The following GRIK3 variants were observed in gnomAD, a reference collection of about 807,000 sequenced individuals.
GRIK3 encodes the protein glutamate receptor ionotropic, kainate 3.
In GRIK3, 29 loss-of-function variants were observed where a neutral mutation model predicts 102.5. The observed-to-expected ratio is 0.28, with a 90% CI of 0.21 to 0.39. GRIK3 has a LOEUF of 0.39. GRIK3 is among the 10% of genes least tolerant of loss of function. The probability of loss-of-function intolerance (pLI) is 1.00; values close to 1 mark genes in which losing one functional copy is unlikely to be tolerated. For missense variants in GRIK3, 908 were observed against 1,252.4 expected (o/e 0.73, Z 4.15); for synonymous variants, 511 against 504.9 (o/e 1.01, Z -0.16).
Position 37,034,451 on chromosome 1 carries a change from G to C in GRIK3, c.-343C>G, listed in dbSNP as rs1248283887. ...CCCCGGCTGCCGGGCTCTGGCGGGC[G>C]GGCTGCACGCGTCTCCGGCCGCTCC... On this transcript the variant is annotated 5_prime_UTR_variant, in exon 1 of 16. Transcript: ENST00000373091. 6.6e-6 allele frequency among the ~76,000 whole-genome samples: 1 copy of C among 151,116 alleles called. No homozygotes were observed. The highest frequency in any genetic ancestry group is 2.1e-4 in the South Asian group (1 of 4,812).
At chr1:36,958,012 C>T (rs1042817997) in intron 1 of GRIK3, among the ~76,000 whole-genome samples, 7 of 48,276 alleles carry the variant, frequency 1.5e-4, no homozygotes, top group Admixed American at 6.4e-4. Context: ...TCTGTGTGCC[C>T]GGTGAGTCTG....
chr1:36,911,244 G>A lies in GRIK3; in HGVS notation c.116-20148C>T, dbSNP rs950790622. 3.3e-5 allele frequency among the ~76,000 whole-genome samples: 5 copies of A among 152,258 alleles called. No homozygotes were observed. In the South Asian group the frequency reaches 6.2e-4, roughly 19 times the overall value. The stretch of plus-strand genomic sequence containing the variant: ...AGGGTGCATCCAACATGACCCCAGT[G>A]TTTGAATGAGGATGAGGTTCAGCTA... On this transcript the variant is annotated intron_variant, in intron 1 of 15. Coordinates refer to ENST00000373091, the MANE Select transcript of GRIK3 (RefSeq NM_000831.4).
At chr1:37,030,878 T>C (rs1642819818) in intron 1 of GRIK3, among the ~76,000 whole-genome samples, 1 of 152,118 alleles carries the variant, frequency 6.6e-6, no homozygotes, top group African/African-American at 2.4e-5. Context: ...ATGGAGAAAC[T>C]GAGGCCTGGG....
intron 1 of GRIK3, among the ~76,000 whole-genome samples, chr1:37,023,406 C>T (rs570666723): frequency 6.6e-6 from 1 of 151,932 alleles, no homozygotes; most frequent in African/African-American, 2.4e-5. Context: ...GGGGAAAGCA[C>T]AGTGCCTTCT....
chr1:36,895,058 G>C (rs1015879939), intron 1 of GRIK3, among the ~76,000 whole-genome samples: 20 of 152,202 alleles, frequency 1.3e-4, no homozygotes, highest in African/African-American at 4.6e-4. Context: ...GGGAGGTGGG[G>C]GAGAAGCACC....
intron 1 of GRIK3, among the ~76,000 whole-genome samples, chr1:36,983,400 T>C (rs1191895067): frequency 6.6e-6 from 1 of 152,232 alleles, no homozygotes; most frequent in Non-Finnish European, 1.5e-5. Context: ...CCCACATGCA[T>C]GCATACCCCT....
intron 1 of GRIK3, among the ~76,000 whole-genome samples, chr1:36,968,015 C>T (rs1354948672): frequency 3.3e-5 from 5 of 152,150 alleles, no homozygotes; most frequent in African/African-American, 1.2e-4. Flanking sequence ...GCCACTAGGC[C>T]CTCTGTCGTA....
intron 1 of GRIK3, among the ~76,000 whole-genome samples, chr1:36,900,182 G>C (rs1641219941): frequency 6.6e-6 from 1 of 152,134 alleles, no homozygotes; most frequent in African/African-American, 2.4e-5. Context: ...TAAAAGACTA[G>C]AAATCATATA....
intron 10 of GRIK3, among the ~76,000 whole-genome samples, chr1:36,833,766 G>C (rs150374564): frequency 8.7e-4 from 133 of 152,348 alleles, no homozygotes; most frequent in African/African-American, 3.1e-3. Context: ...AGAGTTCATA[G>C]TGCCATGGCC....
intron 1 of GRIK3, among the ~76,000 whole-genome samples, chr1:36,938,996 G>C (rs1430139853): frequency 6.6e-6 from 1 of 152,212 alleles, no homozygotes; most frequent in Non-Finnish European, 1.5e-5. Flanking sequence ...GAGAGAGAGA[G>C]AGTTTTGAGT....
intron 1 of GRIK3, among the ~76,000 whole-genome samples, chr1:36,979,760 A>T (rs1023141444): frequency 2.0e-5 from 3 of 152,250 alleles, no homozygotes; most frequent in African/African-American, 7.2e-5. Context: ...CAGAGAGGGC[A>T]TGATGGGCTG....
Position 36,862,961 on chromosome 1 carries a change from T to C in GRIK3, c.787-2944A>G, listed in dbSNP as rs553171343. Among the ~76,000 whole-genome samples the C allele has an allele frequency of 2.5e-4, 38 of 152,256 alleles. No individual in the cohort carries two copies. In the South Asian group the frequency reaches 7.9e-3, roughly 32 times the overall value. On this transcript the variant is annotated intron_variant, in intron 5 of 15. Coordinates refer to ENST00000373091, the MANE Select transcript of GRIK3 (RefSeq NM_000831.4). ...GACATAGGTTGGTGTCTTCCTACCT[T>C]ACTCGTCTTGGCAATATCAGAACAA...
At chr1:36,976,174 A>C (rs1048783692) in intron 1 of GRIK3, among the ~76,000 whole-genome samples, 3 of 152,042 alleles carry the variant, frequency 2.0e-5, no homozygotes, top group Non-Finnish European at 4.4e-5. Context: ...TGGATGTGCG[A>C]TGGGCCCTTG....
intron 1 of GRIK3, among the ~76,000 whole-genome samples, chr1:36,924,392 A>T (rs1641505474): frequency 6.6e-6 from 1 of 152,064 alleles, no homozygotes; most frequent in African/African-American, 2.4e-5. Flanking sequence ...CTCCCTAGTG[A>T]TGCGTTGGGA....
chr1:37,029,347 C>A (rs1297211368), intron 1 of GRIK3, among the ~76,000 whole-genome samples: 1 of 152,338 alleles, frequency 6.6e-6, no homozygotes, highest in East Asian at 1.9e-4. Flanking sequence ...TGTTGCCAGG[C>A]GGGGTGTGCA....
intron 7 of GRIK3, among the ~76,000 whole-genome samples, chr1:36,856,876 C>T (rs981934203): frequency 2.0e-5 from 3 of 152,194 alleles, no homozygotes; most frequent in Admixed American, 6.5e-5. Flanking sequence ...ACAATGTGGC[C>T]TGGAGACCTG....
intron 1 of GRIK3, among the ~76,000 whole-genome samples, chr1:36,958,418 C>CTGTGCCCCCTGAGCCTG (rs60547130): frequency 1.8e-5 from 1 of 56,106 alleles, no homozygotes; most frequent in Non-Finnish European, 3.1e-5. Flanking sequence ...CCCCGTGAGT[C>CTGTGCCCCCTGAGCCTG]TGTGCCCCGT....
intron 1 of GRIK3, among the ~76,000 whole-genome samples, chr1:37,025,423 T>C (rs1407553108): frequency 1.3e-5 from 2 of 152,122 alleles, no homozygotes; most frequent in African/African-American, 2.4e-5. Flanking sequence ...TCTTAATGAG[T>C]GCTTTGGGTG....
chr1:37,012,399 A>G (rs1199397248), intron 1 of GRIK3, among the ~76,000 whole-genome samples: 1 of 152,202 alleles, frequency 6.6e-6, no homozygotes, highest in Non-Finnish European at 1.5e-5. Flanking sequence ...CATTTGGCTG[A>G]AGAGGAAAAA....
Sources: gnomAD v4.1 joint callset for allele counts (sites outside exome capture counted in the v4.1 genomes callset) on GRCh38, gnomAD v4.1.1 for gene constraint, MANE v1.5 for transcripts, NCBI Gene and HGNC (gene_info 2026-07-23, HGNC 2026-07-21) for gene names.